Variants in TAFA1 observed in about 807,000 individuals in gnomAD.
TAFA1 encodes the protein TAFA chemokine like family member 1.
A neutral mutation model predicts 18.5 loss-of-function variants in TAFA1; 4 were observed. The ratio of observed to expected loss-of-function variants is 0.22; its 90% CI spans 0.11 to 0.49. The LOEUF (loss-of-function observed/expected upper bound fraction) is 0.49, where lower values mean the gene tolerates loss of function less well. TAFA1 is among the 20% of genes least tolerant of loss of function. TAFA1 has a pLI of 0.98. For synonymous variants in TAFA1, 56 were observed against 55.2 expected (o/e 1.01, Z -0.06); for missense variants, 147 against 169.0 (o/e 0.87, Z 0.72).
chr3:68,448,322 T>G (rs2071506972), intron 3 of TAFA1, among the ~76,000 whole-genome samples: 1 of 152,208 alleles, frequency 6.6e-6, no homozygotes, highest in African/African-American at 2.4e-5. Context: ...TATTTTTAGA[T>G]GTAAATTTGT....
At chr3:68,182,364 C>G (rs570026742) in intron 2 of TAFA1, among the ~76,000 whole-genome samples, 2 of 152,240 alleles carry the variant, frequency 1.3e-5, no homozygotes, top group South Asian at 4.1e-4. Context: ...GTATTGTGCT[C>G]AGTATGGAGA....
chr3:68,418,621 C>T (rs2070891847), intron 3 of TAFA1, among the ~76,000 whole-genome samples: 2 of 76,750 alleles, frequency 2.6e-5, no homozygotes. Flanking sequence ...GATGGCTTGG[C>T]TTGGGCTCGG....
intron 2 of TAFA1, among the ~76,000 whole-genome samples, chr3:68,383,608 T>C (rs931939230): frequency 2.0e-5 from 3 of 152,168 alleles, no homozygotes; most frequent in African/African-American, 7.2e-5. Flanking sequence ...GATTTTTGCG[T>C]TGATGTTCAT....
chr3:68,285,734 A>T (rs1279251383), intron 2 of TAFA1, among the ~76,000 whole-genome samples: 1 of 152,118 alleles, frequency 6.6e-6, no homozygotes, highest in African/African-American at 2.4e-5. Flanking sequence ...ACTTTTTTTT[A>T]AATGTGAAAA....
intron 2 of TAFA1, among the ~76,000 whole-genome samples, chr3:68,314,497 A>G (rs1213451206): frequency 6.6e-6 from 1 of 152,232 alleles, no homozygotes; most frequent in Non-Finnish European, 1.5e-5. Flanking sequence ...ACATCATTAG[A>G]TAAGATAAAA....
intron 2 of TAFA1, among the ~76,000 whole-genome samples, chr3:68,267,699 A>G (rs115787995): frequency 2.0e-5 from 3 of 152,078 alleles, no homozygotes; most frequent in African/African-American, 7.2e-5. Flanking sequence ...ATTTAAGGGA[A>G]TGAAAAGATA....
intron 2 of TAFA1, among the ~76,000 whole-genome samples, chr3:68,362,980 C>CTTTTTTTTTTTT (rs10681792): frequency 2.7e-5 from 2 of 75,030 alleles, no homozygotes; most frequent in African/African-American, 5.6e-5. Flanking sequence ...GTCTTGCAGG[C>CTTTTTTTTTTTT]TTTTTTTTTT....
intron 3 of TAFA1, among the ~76,000 whole-genome samples, chr3:68,486,336 T>G (rs1333145516): frequency 6.6e-6 from 1 of 152,104 alleles, no homozygotes; most frequent in East Asian, 1.9e-4. Flanking sequence ...GGATTGTTTT[T>G]GCTTTGCTTG....
At chr3:68,000,849 G>A (rs373734438), upstream of TAFA1, among the ~76,000 whole-genome samples, 8 of 152,156 alleles carry the variant, frequency 5.3e-5, no homozygotes, top group African/African-American at 1.4e-4. Context: ...GTGACTGATT[G>A]GATGCAGAAG....
intron 2 of TAFA1, among the ~76,000 whole-genome samples, chr3:68,188,520 T>G (rs113466476): frequency 0.14 from 20,210 of 146,210 alleles, 1,615 homozygotes; most frequent in Non-Finnish European, 0.2. Flanking sequence ...TATATATATA[T>G]ATAGAGAGAG....
At chr3:68,309,886 T>C (rs1037681644) in intron 2 of TAFA1, among the ~76,000 whole-genome samples, 4 of 152,174 alleles carry the variant, frequency 2.6e-5, no homozygotes, top group Admixed American at 1.3e-4. Flanking sequence ...GCAGGGATTA[T>C]ATATTCCTTT....
intron 3 of TAFA1, among the ~76,000 whole-genome samples, chr3:68,447,304 C>CTAT (rs1380117492): frequency 6.6e-6 from 1 of 152,190 alleles, no homozygotes. Context: ...GTTCATCTCA[C>CTAT]TATTGAGTGC....
chr3:68,533,128 C>T (rs1023672531), intron 3 of TAFA1, among the ~76,000 whole-genome samples: 7 of 150,690 alleles, frequency 4.6e-5, no homozygotes, highest in East Asian at 3.9e-4. Context: ...GGTGAGCGGT[C>T]GCATCCTTAT....
intron 2 of TAFA1, among the ~76,000 whole-genome samples, chr3:68,127,592 A>G (rs1367950668): frequency 0.038 from 9 of 234 alleles, no homozygotes; most frequent in East Asian, 0.25. Flanking sequence ...TGATGGTAGC[A>G]GTGGATGATA....
At chr3:68,038,118 G>C (rs1482531397) in intron 2 of TAFA1, among the ~76,000 whole-genome samples, 1 of 152,144 alleles carries the variant, frequency 6.6e-6, no homozygotes, top group Non-Finnish European at 1.5e-5. Flanking sequence ...TCTACAGTAT[G>C]TGTAGTTTAA....
At chr3:68,447,199 A>G (rs186799890) in intron 3 of TAFA1, among the ~76,000 whole-genome samples, 6 of 152,312 alleles carry the variant, frequency 3.9e-5, no homozygotes, top group African/African-American at 1.4e-4. Context: ...ATCAGCTCCA[A>G]CACACACAAT....
chr3:68,390,358 G>A (rs993194168), intron 2 of TAFA1, among the ~76,000 whole-genome samples: 1 of 152,164 alleles, frequency 6.6e-6, no homozygotes, highest in African/African-American at 2.4e-5. Context: ...ACCCCAGTCA[G>A]GGACTTATAT....
intron 2 of TAFA1, among the ~76,000 whole-genome samples, chr3:68,153,339 G>C (rs1183694364): frequency 3.3e-5 from 5 of 152,118 alleles, no homozygotes; most frequent in Non-Finnish European, 7.4e-5. Flanking sequence ...AGTTGTTTAT[G>C]ACAGGTCACA....
chr3:68,134,509 T>C (rs931250655), intron 2 of TAFA1, among the ~76,000 whole-genome samples: 15 of 152,164 alleles, frequency 9.9e-5, no homozygotes, highest in Non-Finnish European at 2.1e-4. Flanking sequence ...TTTCTTCAGG[T>C]TGAGGAACAG....
Sources: gnomAD v4.1 joint callset for allele counts (sites outside exome capture counted in the v4.1 genomes callset) on GRCh38, gnomAD v4.1.1 for gene constraint, MANE v1.5 for transcripts, NCBI Gene and HGNC (gene_info 2026-07-23, HGNC 2026-07-21) for gene names.